TASP1: variants seen among roughly 807,000 people sequenced by gnomAD.
TASP1 encodes threonine aspartase 1.
In TASP1, 16 loss-of-function variants were observed where a neutral mutation model predicts 56.6. That is an observed-to-expected ratio of 0.28 (90% CI 0.19 to 0.43). The LOEUF (loss-of-function observed/expected upper bound fraction) is 0.43. TASP1 is among the 20% of genes least tolerant of loss of function. The pLI, the probability that TASP1 is intolerant of heterozygous loss-of-function variation, is 1.00. For missense variants in TASP1, 393 were observed against 511.6 expected (o/e 0.77, Z 2.24); for synonymous variants, 179 against 184.2 (o/e 0.97, Z 0.23).
chr20:13,384,884 C>T (rs963542977), downstream of TASP1, among the ~76,000 whole-genome samples: 2 of 152,192 alleles, frequency 1.3e-5, no homozygotes, highest in Non-Finnish European at 2.9e-5. Flanking sequence ...GAGTGGCTTC[C>T]ACCTCTGTTC....
intron 10 of TASP1, among the ~76,000 whole-genome samples, chr20:13,519,370 C>T (rs182672074): frequency 1.3e-5 from 2 of 152,134 alleles, no homozygotes; most frequent in East Asian, 1.9e-4. Context: ...TAAAGGACAA[C>T]TCAAATTAGA....
the TASP1 span, chr20:13,159,860 C>T: frequency 8.6e-7 from 1 of 1,162,464 alleles, no homozygotes; most frequent in Non-Finnish European, 1.2e-6. Flanking sequence ...AGTTTAAAAA[C>T]TTCAATCATC....
At chr20:13,579,244 G>A (rs1455482002) in intron 6 of TASP1, among the ~76,000 whole-genome samples, 1 of 152,134 alleles carries the variant, frequency 6.6e-6, no homozygotes, top group Non-Finnish European at 1.5e-5. Flanking sequence ...CCTTAAAAAG[G>A]TATGGCTAGA....
At chr20:13,519,602 G>A (rs1033286654) in intron 10 of TASP1, among the ~76,000 whole-genome samples, 1 of 152,052 alleles carries the variant, frequency 6.6e-6, no homozygotes, top group South Asian at 2.1e-4. Flanking sequence ...CAATAAATTA[G>A]GTACTGATGG....
At position 13,539,230 on chromosome 20, in the gene TASP1, A is replaced by T. The variant is rs1339461888; in HGVS notation, c.676-5089T>A. Among the ~76,000 whole-genome samples the T allele has an allele frequency of 2.6e-5, 4 of 152,240 alleles. 1 individual carries two copies. In the South Asian group the frequency reaches 6.2e-4, roughly 24 times the overall value. On this transcript the variant is annotated intron_variant, in intron 8 of 13. Transcript: ENST00000337743. ...ACTATAGTCAAGATGTCTATTCTTA[A>T]GTAATCTTTTATTTTCTTTGTTTAA... is the stretch of plus-strand genomic sequence containing the variant.
intron 4 of TASP1, among the ~76,000 whole-genome samples, chr20:13,606,679 C>T (rs1275010299): frequency 1.3e-5 from 2 of 151,804 alleles, no homozygotes; most frequent in African/African-American, 2.4e-5. Flanking sequence ...TGGTAGTGGG[C>T]GCCTGTAGTC....
the TASP1 span, among the ~76,000 whole-genome samples, chr20:13,269,378 T>G: frequency 4.3e-3 from 655 of 152,336 alleles, 2 homozygotes; most frequent in Non-Finnish European, 6.8e-3. Flanking sequence ...ATGGTGACAT[T>G]TTTCACAGCT....
intron 1 of TASP1, among the ~76,000 whole-genome samples, chr20:13,633,462 C>A (rs1312197681): frequency 3.3e-5 from 5 of 152,046 alleles, no homozygotes; most frequent in African/African-American, 1.2e-4. Flanking sequence ...TACGGGAATA[C>A]TAGGTAATGA....
the TASP1 span, among the ~76,000 whole-genome samples, chr20:13,287,010 G>C: frequency 7.3e-4 from 111 of 152,318 alleles, no homozygotes; most frequent in African/African-American, 2.6e-3. Context: ...GAGAGAAAGG[G>C]CGTGGTACCA....
intron 2 of TASP1, among the ~76,000 whole-genome samples, chr20:13,628,695 A>T (rs926456791): frequency 4.6e-5 from 7 of 152,130 alleles, no homozygotes; most frequent in African/African-American, 1.7e-4. Flanking sequence ...ATCTTGCTTG[A>T]CTACCCAGGG....
At chr20:13,479,460 C>A (rs1231538757) in intron 11 of TASP1, among the ~76,000 whole-genome samples, 1 of 148,314 alleles carries the variant, frequency 6.7e-6, no homozygotes, top group Admixed American at 6.7e-5. Flanking sequence ...ATTTGATTTA[C>A]AACTTTTTTT....
the TASP1 span, among the ~76,000 whole-genome samples, chr20:13,319,313 C>A: frequency 5.3e-5 from 8 of 152,194 alleles, no homozygotes; most frequent in East Asian, 1.5e-3. Flanking sequence ...GAACTAGACA[C>A]TTATCTGGTC....
chr20:13,511,733 T>C (rs1330562871), intron 10 of TASP1, among the ~76,000 whole-genome samples: 1 of 150,886 alleles, frequency 6.6e-6, no homozygotes, highest in Admixed American at 6.6e-5. Context: ...ATTAGGTATA[T>C]CTCCTAATGC....
the TASP1 span, among the ~76,000 whole-genome samples, chr20:13,302,192 G>A: frequency 6.6e-6 from 1 of 152,166 alleles, no homozygotes; most frequent in South Asian, 2.1e-4. Flanking sequence ...ACTAATGTGA[G>A]CCATGCTGTC....
At chr20:13,145,375 A>T in the TASP1 span, among the ~76,000 whole-genome samples, 1 of 152,184 alleles carries the variant, frequency 6.6e-6, no homozygotes, top group Admixed American at 6.5e-5. Context: ...TTAGAAAAGA[A>T]TCCCATTCAC....
chr20:13,274,135 G>A, the TASP1 span, among the ~76,000 whole-genome samples: 14 of 152,048 alleles, frequency 9.2e-5, no homozygotes, highest in Non-Finnish European at 1.9e-4. Flanking sequence ...ACTAGCTGCT[G>A]CAGCCCCATG....
chr20:13,324,796 T>C, the TASP1 span, among the ~76,000 whole-genome samples: 2 of 152,146 alleles, frequency 1.3e-5, no homozygotes, highest in Non-Finnish European at 2.9e-5. Flanking sequence ...TTATTAGATA[T>C]TACATACATT....
chr20:13,315,118 G>A, the TASP1 span, among the ~76,000 whole-genome samples: 4,524 of 149,006 alleles, frequency 0.03, 100 homozygotes, highest in Non-Finnish European at 0.048. Context: ...AAAAAGAATG[G>A]AAGACAAAAA....
the TASP1 span, among the ~76,000 whole-genome samples, chr20:13,214,977 T>C: frequency 6.6e-6 from 1 of 152,240 alleles, no homozygotes; most frequent in Non-Finnish European, 1.5e-5. Context: ...GAAGTCAGAA[T>C]ATTGGTAACT....
Sources: allele counts gnomAD v4.1 joint callset (sites outside exome capture counted in the v4.1 genomes callset), GRCh38; gene constraint gnomAD v4.1.1; transcripts MANE v1.5; gene names NCBI Gene and HGNC (gene_info 2026-07-23, HGNC 2026-07-21).